ENOSF1: variants seen among roughly 807,000 people sequenced by gnomAD.
The protein encoded by ENOSF1 is mitochondrial enolase superfamily member 1.
ENOSF1 carries 73 observed loss-of-function variants against 68.2 expected under a neutral mutation model. That is an observed-to-expected ratio of 1.07 (90% CI 0.89 to 1.30). The LOEUF (loss-of-function observed/expected upper bound fraction) is 1.30, where lower values mean the gene tolerates loss of function less well. Ranked by LOEUF, ENOSF1 falls within the 50% of genes most tolerant of loss-of-function variation. The probability of loss-of-function intolerance (pLI) is 0.00; values close to 1 mark genes in which losing one functional copy is unlikely to be tolerated. For missense variants in ENOSF1, 589 were observed against 554.5 expected, an observed-to-expected ratio of 1.06 and a Z score of -0.62; for synonymous variants, 223 against 210.4, an observed-to-expected ratio of 1.06 and a Z score of -0.52.
intron 7 of ENOSF1, 179 bp from the exon 8 acceptor site, chr18:690,810 C>T (rs2262096): frequency 0.34 from 504,907 of 1,465,516 alleles, 89,709 homozygotes; most frequent in Admixed American, 0.37. Flanking sequence ...GATACTCTCA[C>T]GGACTGCCCT....
intron 14 of ENOSF1, chr18:675,679 CTG>C (rs1364490299): frequency 1.8e-5 from 6 of 328,300 alleles, no homozygotes; most frequent in East Asian, 1.0e-4. Flanking sequence ...AATTCAGACT[CTG>C]TAAATATCCA....
rs79248573 is a variant in ENOSF1, at chr18:688,190, G to T, written c.653+384C>A. 1,009 of 167,852 alleles carry T rather than the reference G, an allele frequency of 6.0e-3. 8 individuals carry two copies. Among genetic ancestry groups the T allele is most frequent in the African/African-American group, 0.023 (945 of 41,518 alleles). 10.4% of individuals were successfully genotyped at this position (167,852 alleles called of 1,614,324 possible). On this transcript the variant is annotated intron_variant, in intron 9 of 15. Coordinates refer to ENST00000647584, the MANE Select transcript of ENOSF1 (RefSeq NM_017512.7). Reference sequence around the variant, plus strand: ...CTCAAAAAAAAAAAAGAGAAGAAAAGACCCACCTAATACTCAAAGCCCTCA... The same window carrying T: ...CTCAAAAAAAAAAAAGAGAAGAAAATACCCACCTAATACTCAAAGCCCTCA...
chr18:671,419 T>C lies in ENOSF1; in HGVS notation c.*2886A>G. 6.2e-7 allele frequency: 1 copy of C among 1,612,114 alleles called. No homozygotes were observed. Among genetic ancestry groups the C allele is most frequent in the East Asian group, 2.2e-5 (1 of 44,888 alleles). On this transcript the variant is annotated 3_prime_UTR_variant, in exon 16 of 16. Transcript: ENST00000647584. ...ACACACTTTGGGAGATGCACATATT[T>C]ACCTGAATCACATCGAGCCACTGAA...
At chr18:667,553 AGATGGT>A (rs1327773362), downstream of ENOSF1, among the ~76,000 whole-genome samples, 16 of 18,596 alleles carry the variant, frequency 8.6e-4, 3 homozygotes, top group South Asian at 2.4e-3. Flanking sequence ...ATGGTGATGG[AGATGGT>A]GATGGTGATG....
At chr18:678,536 C>A (rs2075747597) in intron 12 of ENOSF1, 160 bp downstream of exon 12, 1 of 704,734 alleles carries the variant, frequency 1.4e-6, no homozygotes, top group Non-Finnish European at 2.5e-6. Context: ...ATATCTGACT[C>A]TAGACTCTGA....
intron 3 of ENOSF1, among the ~76,000 whole-genome samples, chr18:696,398 A>T (rs1260946579): frequency 1.3e-5 from 2 of 151,750 alleles, no homozygotes. Context: ...TTTTTAGTAG[A>T]GACGGGGTTT....
downstream of ENOSF1, among the ~76,000 whole-genome samples, chr18:666,414 G>A (rs1177339222): frequency 6.6e-6 from 1 of 152,160 alleles, no homozygotes; most frequent in Non-Finnish European, 1.5e-5. Context: ...GGTGGAGAAA[G>A]AATGAAACAT....
In ENOSF1 at chr18:674,391, T is replaced by C; in HGVS notation, c.1246A>G (p.Thr416Ala). The C allele has an allele frequency of 6.2e-7, 1 of 1,612,204 alleles. No individual in the cohort carries two copies. Among genetic ancestry groups the C allele is most frequent in the Non-Finnish European group, 8.5e-7 (1 of 1,179,354 alleles). The change falls in exon 16 of 16, where the codon ACA (threonine) becomes GCA (alanine). Residue 416 changes from threonine to alanine, a missense_variant. Physicochemically the swap from Thr to Ala is moderately conservative, Grantham distance 58. Coordinates refer to ENST00000647584, the MANE Select transcript of ENOSF1 (RefSeq NM_017512.7). ...TTTACAGATTCCTCCTTCATTTCTG[T>C]TGAGTAGCCGGGATCCTATCAAAGA... ...YMPPKDPGYS[T>A]EMKEESVKKH...
Position 670,622 on chromosome 18 carries a change from T to TTTTAC in ENOSF1, c.*3678_*3682dup, listed in dbSNP as rs1307007684. 1.9e-6 allele frequency: 3 copies of TTTTAC among 1,550,234 alleles called. No individual in the cohort carries two copies. Among genetic ancestry groups the TTTTAC allele is most frequent in the Non-Finnish European group, 2.6e-6 (3 of 1,136,884 alleles). ...TGAGTTGGCTTCTGTTTCTCTCCTG[T>TTTTAC]TTTACTTTGCCTTTAGCTGTGGTCT... On this transcript the variant is annotated 3_prime_UTR_variant, in exon 16 of 16. Coordinates refer to ENST00000647584, the MANE Select transcript of ENOSF1 (RefSeq NM_017512.7).
At chr18:683,993 CTTTTT>C (rs1568042964) in intron 10 of ENOSF1, among the ~76,000 whole-genome samples, 2 of 145,742 alleles carry the variant, frequency 1.4e-5, no homozygotes, top group African/African-American at 5.2e-5. Flanking sequence ...GATTTCTTTT[CTTTTT>C]CTTTTTTTTT....
intron 11 of ENOSF1, among the ~76,000 whole-genome samples, chr18:679,302 C>CA (rs1568024119): frequency 6.6e-6 from 1 of 151,740 alleles, no homozygotes; most frequent in Non-Finnish European, 1.5e-5. Context: ...CTCCACCCCC[C>CA]AGGCTGAAGC....
Position 670,571 on chromosome 18 carries a change from G to C in ENOSF1, c.*3734C>G. ...GTTATGGACATCACTGCAGCCCAGT[G>C]GCTCTCTCTCCTGGTCTCCACCATA... On this transcript the variant is annotated 3_prime_UTR_variant, in exon 16 of 16. Coordinates refer to ENST00000647584, the MANE Select transcript of ENOSF1 (RefSeq NM_017512.7). 2 of 1,043,276 alleles carry C rather than the reference G, an allele frequency of 1.9e-6. No homozygotes were observed. The highest frequency in any genetic ancestry group is 2.8e-6 in the Non-Finnish European group (2 of 711,160). 64.6% of individuals were successfully genotyped at this position (1,043,276 alleles called of 1,614,324 possible).
At chr18:699,718 T>C (rs1017637098) in intron 2 of ENOSF1, among the ~76,000 whole-genome samples, 6 of 152,206 alleles carry the variant, frequency 3.9e-5, no homozygotes, top group African/African-American at 1.4e-4. Context: ...AAGTTTTTAG[T>C]CATTTAATAG....
chr18:674,039 C>T lies in ENOSF1; in HGVS notation c.*266G>A. On this transcript the variant is annotated 3_prime_UTR_variant, in exon 16 of 16. Transcript: ENST00000647584. ...ACAGTTTAATGTCTAGGTGCCAGCCCTTGATATAGCTATTTTTGTAAGAAC... is the reference window on the plus strand; with the variant it reads ...ACAGTTTAATGTCTAGGTGCCAGCCTTTGATATAGCTATTTTTGTAAGAAC... 1 of 304,032 alleles carries T rather than the reference C, an allele frequency of 3.3e-6. No homozygotes were observed. Among genetic ancestry groups the T allele is most frequent in the Non-Finnish European group, 6.0e-6 (1 of 165,682 alleles). The allele number at this position is 304,032 out of a possible 1,614,324, so 18.8% of individuals were successfully genotyped here. A position where few individuals can be genotyped will look rare whatever the true frequency, so the allele number is the denominator to read the frequency against.
downstream of ENOSF1, among the ~76,000 whole-genome samples, chr18:670,060 T>C (rs371469988): frequency 1.6e-5 from 2 of 127,674 alleles, no homozygotes; most frequent in Admixed American, 7.8e-5. Context: ...TTTTTTTTTT[T>C]TGAGACACAG....
Position 671,376 on chromosome 18 carries a change from A to G in ENOSF1, c.*2929T>C, listed in dbSNP as rs774926497. 1.2e-6 allele frequency: 2 copies of G among 1,603,312 alleles called. No homozygotes were observed. The highest frequency in any genetic ancestry group is 4.5e-5 in the East Asian group (2 of 44,854). Reference sequence around the variant, plus strand: ...CTGTTCTGCTTTCTCCCCCGGGTTTATAGCCAGGTGACTTTATACACACTT... The same window carrying G: ...CTGTTCTGCTTTCTCCCCCGGGTTTGTAGCCAGGTGACTTTATACACACTT... On this transcript the variant is annotated 3_prime_UTR_variant, in exon 16 of 16. Transcript: ENST00000647584.
At chr18:695,326 ATTTTG>A (rs988025143) in intron 3 of ENOSF1, among the ~76,000 whole-genome samples, 4 of 152,148 alleles carry the variant, frequency 2.6e-5, no homozygotes, top group Non-Finnish European at 5.9e-5. Flanking sequence ...TGATTATGTC[ATTTTG>A]TTTTATTATT....
Position 691,089 on chromosome 18 carries a change from G to A in ENOSF1, c.514C>T (p.Gln172Ter). ...EDALEILQKGQIGKKEREKQM... is the reference protein window; with the variant it reads ...EDALEILQKG ...CCACCTCTTTCTTTTTTACCAATTT[G>A]ACCTTTCTGCAGTATTTCTGGAAGA... The change falls in exon 7 of 16, where the codon CAA becomes TAA. Residue 172 changes from glutamine (Q) to a stop codon, truncating the protein, a stop_gained. Transcript: ENST00000647584. LOFTEE classifies it high-confidence loss of function. 2 of 1,614,096 alleles carry A rather than the reference G, an allele frequency of 1.2e-6. No homozygotes were observed. The highest frequency in any genetic ancestry group is 1.7e-6 in the Non-Finnish European group (2 of 1,180,022).
intron 1 of ENOSF1, among the ~76,000 whole-genome samples, chr18:708,291 G>A (rs1478550939): frequency 3.3e-5 from 5 of 152,172 alleles, no homozygotes; most frequent in East Asian, 3.9e-4. Context: ...GTGATGCATC[G>A]CTGAGCATCA....
Sources: gnomAD v4.1 joint callset for allele counts (sites outside exome capture counted in the v4.1 genomes callset) on GRCh38, gnomAD v4.1.1 for gene constraint, MANE v1.5 for transcripts, NCBI Gene and HGNC (gene_info 2026-07-23, HGNC 2026-07-21) for gene names.